The following DAAM1 variants were observed in gnomAD, a reference collection of about 807,000 sequenced individuals.
The protein encoded by DAAM1 is disheveled-associated activator of morphogenesis 1.
Under a neutral mutation model 130.0 loss-of-function variants are expected in DAAM1, and 52 were observed. The ratio of observed to expected loss-of-function variants is 0.40; its 90% confidence interval spans 0.32 to 0.50. DAAM1 has a LOEUF of 0.50. DAAM1 is among the 20% of genes least tolerant of loss of function. The pLI is 0.61. For missense variants in DAAM1, 1,134 were observed against 1,303.8 expected, an observed-to-expected ratio of 0.87 and a Z score of 2.01; for synonymous variants, 452 against 444.5, an observed-to-expected ratio of 1.02 and a Z score of -0.21.
At chr14:59,281,655 A>T (rs527999819) in intron 2 of DAAM1, among the ~76,000 whole-genome samples, 1 of 152,264 alleles carries the variant, frequency 6.6e-6, no homozygotes, top group South Asian at 2.1e-4. Flanking sequence ...AAAGCTTTCT[A>T]TCACCTTGTC....
intron 24 of DAAM1, among the ~76,000 whole-genome samples, chr14:59,367,972 ATTTATG>A (rs1177987442): frequency 7.2e-5 from 11 of 152,198 alleles, no homozygotes; most frequent in African/African-American, 2.7e-4. Flanking sequence ...ATAATGGAAT[ATTTATG>A]CAGTCCTTGA....
chr14:59,345,253 G>A (rs1157678156), intron 16 of DAAM1, among the ~76,000 whole-genome samples: 1 of 152,110 alleles, frequency 6.6e-6, no homozygotes, highest in Non-Finnish European at 1.5e-5. Flanking sequence ...GATATTCTGG[G>A]AACATGTTCA....
At chr14:59,348,298 A>G (rs1214823811) in intron 17 of DAAM1, among the ~76,000 whole-genome samples, 1 of 152,188 alleles carries the variant, frequency 6.6e-6, no homozygotes, top group Non-Finnish European at 1.5e-5. Context: ...AGCAGCCAGT[A>G]TTTCTATAGC....
intron 1 of DAAM1, among the ~76,000 whole-genome samples, chr14:59,195,069 A>G (rs1266300984): frequency 6.6e-6 from 1 of 152,168 alleles, no homozygotes; most frequent in East Asian, 1.9e-4. Flanking sequence ...AGGCTACACA[A>G]TCATAAAATT....
At chr14:59,320,609 T>C (rs770553952) in intron 5 of DAAM1, 25 bp downstream of exon 5, 31 of 1,457,846 alleles carry the variant, frequency 2.1e-5, no homozygotes, top group South Asian at 2.8e-5. Context: ...GATGGCATGT[T>C]TTTTTTTTTT....
intron 1 of DAAM1, among the ~76,000 whole-genome samples, chr14:59,228,700 C>CA (rs1401941961): frequency 6.6e-6 from 1 of 152,228 alleles, no homozygotes; most frequent in Non-Finnish European, 1.5e-5. Context: ...ATTCTCCACT[C>CA]AGAACCACCT....
At chr14:59,254,232 G>A (rs140923323) in intron 1 of DAAM1, among the ~76,000 whole-genome samples, 17 of 150,766 alleles carry the variant, frequency 1.1e-4, no homozygotes, top group South Asian at 2.1e-4. Flanking sequence ...GGTGATTGCC[G>A]GTATCTTGTA....
intron 2 of DAAM1, among the ~76,000 whole-genome samples, chr14:59,279,277 A>G (rs1161555307): frequency 6.6e-6 from 1 of 152,128 alleles, no homozygotes; most frequent in Admixed American, 6.6e-5. Context: ...ACTTTTTCTA[A>G]GAAATTCATG....
intron 8 of DAAM1, among the ~76,000 whole-genome samples, chr14:59,324,938 A>C (rs1196907431): frequency 6.6e-6 from 1 of 152,152 alleles, no homozygotes; most frequent in East Asian, 1.9e-4. Flanking sequence ...CACTGAGTCT[A>C]AGCTATCCCA....
chr14:59,213,399 C>A (rs1888488158), intron 1 of DAAM1, among the ~76,000 whole-genome samples: 1 of 150,068 alleles, frequency 6.7e-6, no homozygotes, highest in Admixed American at 6.6e-5. Flanking sequence ...GATAATCCCA[C>A]CTTGTTTCAC....
At chr14:59,224,022 C>G (rs977114617) in intron 1 of DAAM1, among the ~76,000 whole-genome samples, 4 of 152,172 alleles carry the variant, frequency 2.6e-5, no homozygotes, top group South Asian at 4.1e-4. Context: ...TCCCTTCACA[C>G]TAAATTATGA....
intron 1 of DAAM1, among the ~76,000 whole-genome samples, chr14:59,245,154 C>T (rs773764327): frequency 8.5e-5 from 13 of 152,302 alleles, no homozygotes; most frequent in South Asian, 2.1e-4. Flanking sequence ...TCAAATGCAT[C>T]CTTCAAATGC....
chr14:59,258,986 T>G (rs1313776825), intron 1 of DAAM1, among the ~76,000 whole-genome samples: 1 of 152,224 alleles, frequency 6.6e-6, no homozygotes, highest in African/African-American at 2.4e-5. Context: ...TATTCTTTTG[T>G]TTACAGAACT....
Position 59,323,112 on chromosome 14 carries a change from G to T in DAAM1, c.661G>T (p.Val221Leu). Residue 221 changes from valine (V) to leucine (L), a missense_variant, in exon 6 of 25, where the codon GTG becomes TTG. Transcript: ENST00000360909. ...GAGCACAGAGAACATTAAAACGAAG[G>T]TGGCCGTGCTGGAAATCTTGGGCGC... ...SLSTENIKTK[V>L]AVLEILGAVC... is the part of the protein sequence containing the mutation. The T allele has an allele frequency of 6.2e-7, 1 of 1,613,636 alleles. No homozygotes were observed. Among genetic ancestry groups the T allele is most frequent in the Admixed American group, 1.7e-5 (1 of 59,984 alleles).
chr14:59,356,906 G>A (rs1025842105), intron 20 of DAAM1, among the ~76,000 whole-genome samples: 3 of 152,100 alleles, frequency 2.0e-5, no homozygotes, highest in Admixed American at 6.6e-5. Context: ...CAAATGCAGC[G>A]CCCACACCTT....
chr14:59,281,524 T>TGGAGGA (rs59666401), intron 2 of DAAM1, among the ~76,000 whole-genome samples: 62 of 150,228 alleles, frequency 4.1e-4, no homozygotes, highest in African/African-American at 1.4e-3. Flanking sequence ...GTGCTGCTGT[T>TGGAGGA]GGAGGAGGAG....
intron 2 of DAAM1, chr14:59,264,625 T>C (rs1882347119): frequency 6.6e-6 from 1 of 152,162 alleles, no homozygotes; most frequent in Non-Finnish European, 1.5e-5. Flanking sequence ...CATTTTGTAA[T>C]GGAATTAGTT....
intron 1 of DAAM1, among the ~76,000 whole-genome samples, chr14:59,200,847 C>T (rs1888075043): frequency 6.6e-6 from 1 of 152,004 alleles, no homozygotes; most frequent in South Asian, 2.1e-4. Context: ...GAGTTGGGGC[C>T]CATTCTACAG....
intron 1 of DAAM1, among the ~76,000 whole-genome samples, chr14:59,226,039 T>C (rs1403210137): frequency 9.2e-5 from 14 of 152,228 alleles, no homozygotes; most frequent in Admixed American, 9.2e-4. Flanking sequence ...CGAAATGTGT[T>C]TCAGTTGCCT....
Sources: gnomAD v4.1 joint callset for allele counts (sites outside exome capture counted in the v4.1 genomes callset) on GRCh38, gnomAD v4.1.1 for gene constraint, MANE v1.5 for transcripts, NCBI Gene and HGNC (gene_info 2026-07-23, HGNC 2026-07-21) for gene names.